GALNT13: variants seen among roughly 807,000 people sequenced by gnomAD.
GALNT13 encodes UDP-GalNAc:polypeptide N-acetylgalactosaminyltransferase 13.
GALNT13 carries 28 observed loss-of-function variants against 64.2 expected under a neutral mutation model. The ratio of observed to expected loss-of-function variants is 0.44; its 90% CI spans 0.32 to 0.60. The LOEUF is 0.60. GALNT13 is among the 20% of genes least tolerant of loss of function. GALNT13 has a pLI of 0.05. For missense variants in GALNT13, 577 were observed against 669.8 expected (o/e 0.86, Z 1.53); for synonymous variants, 214 against 224.6 (o/e 0.95, Z 0.42).
At chr2:153,572,063 A>G in the GALNT13 span, among the ~76,000 whole-genome samples, 1 of 151,858 alleles carries the variant, frequency 6.6e-6, no homozygotes, top group East Asian at 1.9e-4. Context: ...CAGCAGTGAA[A>G]CCATTGAGTC....
the GALNT13 span, among the ~76,000 whole-genome samples, chr2:153,678,144 A>T: frequency 1.5e-5 from 2 of 133,924 alleles, no homozygotes; most frequent in African/African-American, 5.3e-5. Context: ...GCATCTATGC[A>T]TCCGACAAAT....
At chr2:153,736,511 T>C in the GALNT13 span, among the ~76,000 whole-genome samples, 1 of 152,200 alleles carries the variant, frequency 6.6e-6, no homozygotes, top group Non-Finnish European at 1.5e-5. Context: ...TTGTTATTGG[T>C]ATATTGCAGT....
the GALNT13 span, among the ~76,000 whole-genome samples, chr2:153,449,276 A>G: frequency 6.6e-6 from 1 of 152,152 alleles, no homozygotes; most frequent in Non-Finnish European, 1.5e-5. Flanking sequence ...ACCGAATACC[A>G]GAAGGTGGGG....
intron 3 of GALNT13, among the ~76,000 whole-genome samples, chr2:153,982,365 T>G (rs917959649): frequency 6.6e-6 from 1 of 152,084 alleles, no homozygotes; most frequent in Non-Finnish European, 1.5e-5. Flanking sequence ...TTTCAAAATA[T>G]AGAGGCTATA....
the GALNT13 span, among the ~76,000 whole-genome samples, chr2:153,709,294 AAAAC>A: frequency 3.9e-5 from 6 of 152,052 alleles, no homozygotes; most frequent in Admixed American, 1.3e-4. Context: ...CAACAAAAAC[AAAAC>A]AAACAAAAAA....
chr2:154,187,651 A>G (rs926678651), intron 4 of GALNT13, among the ~76,000 whole-genome samples: 2 of 152,240 alleles, frequency 1.3e-5, no homozygotes, highest in South Asian at 2.1e-4. Flanking sequence ...TAGGCATTCT[A>G]GGAAGTTAGA....
Position 154,396,108 on chromosome 2 carries a change from G to A in GALNT13, c.1274G>A (p.Arg425Lys). Residue 425 changes from arginine (R) to lysine (K), a missense_variant, in exon 10 of 13, where the codon AGA becomes AAA. Physicochemically the swap from Arg to Lys is conservative, Grantham distance 26. Coordinates refer to ENST00000392825, the MANE Select transcript of GALNT13 (RefSeq NM_052917.4). ...ENIYPDSQIP[R>K]RYYSLGEIRN... ...ATCTATCCGGACTCCCAGATCCCAAGACGTTATTACTCACTTGGTGAGGTA... is the reference window on the plus strand; with the variant it reads ...ATCTATCCGGACTCCCAGATCCCAAAACGTTATTACTCACTTGGTGAGGTA... The A allele has an allele frequency of 6.2e-7, 1 of 1,606,396 alleles. No individual in the cohort carries two copies. Among genetic ancestry groups the A allele is most frequent in the South Asian group, 1.1e-5 (1 of 89,872 alleles).
intron 9 of GALNT13, among the ~76,000 whole-genome samples, chr2:154,313,893 A>G (rs976329277): frequency 6.6e-6 from 1 of 152,112 alleles, no homozygotes; most frequent in African/African-American, 2.4e-5. Flanking sequence ...ATATGCAACC[A>G]ATACAATAGT....
At chr2:153,540,894 C>T in the GALNT13 span, among the ~76,000 whole-genome samples, 1 of 152,154 alleles carries the variant, frequency 6.6e-6, no homozygotes, top group Admixed American at 6.6e-5. Context: ...GGCTTATAGG[C>T]AGAAGGGACT....
intron 11 of GALNT13, among the ~76,000 whole-genome samples, chr2:154,416,747 G>A (rs1027940181): frequency 6.6e-6 from 1 of 152,126 alleles, no homozygotes; most frequent in African/African-American, 2.4e-5. Context: ...GTGATCATTT[G>A]ATCAGTCAGG....
the GALNT13 span, among the ~76,000 whole-genome samples, chr2:153,571,444 C>A: frequency 6.6e-6 from 1 of 151,782 alleles, no homozygotes; most frequent in African/African-American, 2.4e-5. Flanking sequence ...GCTTTTATTT[C>A]TTTTGTCTGA....
chr2:153,123,964 C>T, the GALNT13 span, among the ~76,000 whole-genome samples: 1,934 of 152,224 alleles, frequency 0.013, 48 homozygotes, highest in African/African-American at 0.044. Context: ...AACATAATGA[C>T]ATATCAATGC....
chr2:154,347,897 GGCTCAAAGTCAGTA>G (rs1696161984), intron 9 of GALNT13, among the ~76,000 whole-genome samples: 1 of 152,108 alleles, frequency 6.6e-6, no homozygotes, highest in Non-Finnish European at 1.5e-5. Context: ...AGGTTCAGTT[GGCTCAAAGTCAGTA>G]TGCTCTTCCC....
At chr2:153,819,984 A>C in the GALNT13 span, among the ~76,000 whole-genome samples, 2 of 152,222 alleles carry the variant, frequency 1.3e-5, no homozygotes, top group South Asian at 4.1e-4. Context: ...AGATCAAAGA[A>C]AAGGTTGAAA....
intron 4 of GALNT13, among the ~76,000 whole-genome samples, chr2:154,239,507 G>A (rs1357252116): frequency 6.6e-6 from 1 of 151,914 alleles, no homozygotes; most frequent in African/African-American, 2.4e-5. Flanking sequence ...ATGGAAATTT[G>A]AGGAAAATGG....
chr2:153,412,040 C>G, the GALNT13 span, among the ~76,000 whole-genome samples: 2 of 152,166 alleles, frequency 1.3e-5, no homozygotes, highest in South Asian at 2.1e-4. Flanking sequence ...GCTGGCCTAG[C>G]CTCCCAGCCT....
At chr2:153,640,027 G>C in the GALNT13 span, among the ~76,000 whole-genome samples, 12 of 152,222 alleles carry the variant, frequency 7.9e-5, no homozygotes, top group South Asian at 1.2e-3. Context: ...AGAGCTAGTA[G>C]GAACGTAGGG....
chr2:154,141,969 G>A (rs948174756), intron 4 of GALNT13, among the ~76,000 whole-genome samples: 1 of 152,140 alleles, frequency 6.6e-6, no homozygotes, highest in Non-Finnish European at 1.5e-5. Flanking sequence ...TGGCAGAATT[G>A]TAATTCTAAT....
chr2:153,963,097 T>C (rs1693053075), intron 3 of GALNT13, among the ~76,000 whole-genome samples: 1 of 152,162 alleles, frequency 6.6e-6, no homozygotes, highest in African/African-American at 2.4e-5. Context: ...GCAGGATTGT[T>C]TTCTGGTTCC....
Sources: allele counts gnomAD v4.1 joint callset (sites outside exome capture counted in the v4.1 genomes callset), GRCh38; gene constraint gnomAD v4.1.1; transcripts MANE v1.5; gene names NCBI Gene and HGNC (gene_info 2026-07-23, HGNC 2026-07-21).